COMMD10: variants seen among roughly 807,000 people sequenced by gnomAD.
The protein encoded by COMMD10 is COMM domain-containing protein 10.
COMMD10 carries 33 observed loss-of-function variants against 28.9 expected under a neutral mutation model. The ratio of observed to expected loss-of-function variants is 1.14; its 90% confidence interval spans 0.87 to 1.53. The LOEUF is 1.53. Among genes scored for constraint, COMMD10 ranks in the 40% most tolerant of loss-of-function variants. The probability of loss-of-function intolerance (pLI) is 0.00; values close to 1 mark genes in which losing one functional copy is unlikely to be tolerated. For missense variants in COMMD10, 310 were observed against 233.4 expected, an observed-to-expected ratio of 1.33 and a Z score of -2.14; for synonymous variants, 110 against 81.7, an observed-to-expected ratio of 1.35 and a Z score of -1.87.
At position 116,138,788 on chromosome 5, in the gene COMMD10, G is replaced by A. The variant is rs182308628; in HGVS notation, c.510+4610G>A. ...CTTCTAATACTAGTTTTCTGACTTA[G>A]AGCTCTTCATTCTTATTTCCAAAAT... On this transcript the variant is annotated intron_variant, in intron 5 of 6. Transcript: ENST00000274458. Among the ~76,000 whole-genome samples, 265 of 151,712 alleles carry A rather than the reference G, an allele frequency of 1.7e-3. 1 individual carries two copies. The highest frequency in any genetic ancestry group is 6.0e-3 in the African/African-American group (250 of 41,482).
At chr5:116,140,226 C>T (rs1419054419) in intron 5 of COMMD10, among the ~76,000 whole-genome samples, 1 of 55,282 alleles carries the variant, frequency 1.8e-5, no homozygotes, top group African/African-American at 1.2e-4. Flanking sequence ...CTGACTCATA[C>T]TACTATGTGT....
chr5:116,137,404 ATATAAAG>A (rs1752053897), intron 5 of COMMD10, among the ~76,000 whole-genome samples: 1 of 152,054 alleles, frequency 6.6e-6, no homozygotes, highest in Non-Finnish European at 1.5e-5. Context: ...TTAGTTTATG[ATATAAAG>A]TATCTTAAAG....
chr5:116,233,621 C>T (rs1592916), intron 5 of COMMD10, among the ~76,000 whole-genome samples: 92,863 of 152,062 alleles, frequency 0.61, 31,610 homozygotes, highest in South Asian at 0.77. Context: ...TAAGGTGACA[C>T]TTGAGTAAAG....
chr5:116,101,587 C>T (rs573535820), intron 4 of COMMD10, among the ~76,000 whole-genome samples: 4 of 151,966 alleles, frequency 2.6e-5, no homozygotes, highest in East Asian at 1.9e-4. Flanking sequence ...CCACCACGCC[C>T]GGCTAATTTT....
At chr5:116,124,380 T>C (rs901056402) in intron 4 of COMMD10, among the ~76,000 whole-genome samples, 5 of 152,232 alleles carry the variant, frequency 3.3e-5, no homozygotes, top group African/African-American at 1.2e-4. Flanking sequence ...TATGCAGTTT[T>C]AAGTGAGTTT....
intron 4 of COMMD10, among the ~76,000 whole-genome samples, chr5:116,112,166 A>G (rs1181724214): frequency 6.6e-6 from 1 of 152,110 alleles, no homozygotes. Flanking sequence ...TTTCTACTTC[A>G]TTTATGGAGC....
chr5:116,145,903 A>T (rs1752335672), intron 5 of COMMD10, among the ~76,000 whole-genome samples: 1 of 151,944 alleles, frequency 6.6e-6, no homozygotes, highest in Admixed American at 6.6e-5. Context: ...GCCATGCTGA[A>T]CTAAACTGTG....
At chr5:116,276,202 T>A (rs1182014675) in intron 5 of COMMD10, among the ~76,000 whole-genome samples, 1 of 151,538 alleles carries the variant, frequency 6.6e-6, no homozygotes, top group African/African-American at 2.4e-5. Flanking sequence ...AAAAATTAAT[T>A]TCAAATAAAA....
Position 116,215,695 on chromosome 5 carries a change from AATATATATATATATATATAT to A in COMMD10, c.511-75805_511-75786del, listed in dbSNP as rs58135204. Among the ~76,000 whole-genome samples the A allele has an allele frequency of 1.0e-3, 135 of 133,822 alleles. 1 individual carries two copies. The South Asian group carries it at 0.033, about 32-fold the overall frequency. The allele number at this position is 133,822 out of a possible 152,430, so 87.8% of individuals were successfully genotyped here. On this transcript the variant is annotated intron_variant, in intron 5 of 6. Coordinates refer to ENST00000274458, the MANE Select transcript of COMMD10 (RefSeq NM_016144.4). ...GAGTGGGAGTCCAGCTAAAAAAAGA[AATATATATATATATATATAT>A]ATATATATATATATATGTATATATA...
intron 5 of COMMD10, among the ~76,000 whole-genome samples, chr5:116,217,055 C>G (rs546153709): frequency 1.2e-4 from 18 of 151,490 alleles, no homozygotes; most frequent in African/African-American, 4.1e-4. Flanking sequence ...ATTAAAAAAC[C>G]AGAGCTTTAC....
At chr5:116,153,793 A>C (rs1253780119) in intron 5 of COMMD10, among the ~76,000 whole-genome samples, 1 of 152,052 alleles carries the variant, frequency 6.6e-6, no homozygotes, top group Non-Finnish European at 1.5e-5. Context: ...TTTTGTTTTG[A>C]TAGCCATGAA....
At chr5:116,085,272 A>C (rs1750054074) in intron 1 of COMMD10, 179 bp downstream of exon 1, 1 of 605,880 alleles carries the variant, frequency 1.7e-6, no homozygotes, top group Non-Finnish European at 2.9e-6. Context: ...GGGGCCGTGT[A>C]GCGCCTCTAC....
At chr5:116,111,702 A>G (rs1020663413) in intron 4 of COMMD10, among the ~76,000 whole-genome samples, 7 of 152,168 alleles carry the variant, frequency 4.6e-5, no homozygotes, top group African/African-American at 9.7e-5. Context: ...CATATGGTCT[A>G]TATTGGAGAA....
chr5:116,148,525 G>C (rs1752413439), intron 5 of COMMD10, among the ~76,000 whole-genome samples: 1 of 151,810 alleles, frequency 6.6e-6, no homozygotes, highest in African/African-American at 2.4e-5. Context: ...CACCTTTGTT[G>C]TTGTCAACAG....
intron 5 of COMMD10, among the ~76,000 whole-genome samples, chr5:116,224,248 G>C (rs1243285977): frequency 6.6e-6 from 1 of 152,104 alleles, no homozygotes; most frequent in African/African-American, 2.4e-5. Context: ...ACTTCAGTTG[G>C]GAATTCGTTT....
chr5:116,169,612 C>T (rs895356968), intron 5 of COMMD10, among the ~76,000 whole-genome samples: 10 of 152,122 alleles, frequency 6.6e-5, no homozygotes, highest in Non-Finnish European at 1.3e-4. Context: ...AAACTGAATC[C>T]AGCAGCATAT....
At chr5:116,142,360 A>T (rs1328408412) in intron 5 of COMMD10, among the ~76,000 whole-genome samples, 1 of 151,814 alleles carries the variant, frequency 6.6e-6, no homozygotes, top group African/African-American at 2.4e-5. Context: ...TGTAATAAAC[A>T]TCTTTGTGAA....
intron 5 of COMMD10, among the ~76,000 whole-genome samples, chr5:116,181,938 C>T (rs1333458141): frequency 6.6e-6 from 1 of 152,062 alleles, no homozygotes; most frequent in Non-Finnish European, 1.5e-5. Flanking sequence ...ATAGACATAG[C>T]TCCTGCCCCC....
intron 5 of COMMD10, among the ~76,000 whole-genome samples, chr5:116,137,238 C>T (rs1033824757): frequency 1.4e-4 from 22 of 151,954 alleles, no homozygotes; most frequent in Admixed American, 1.2e-3. Flanking sequence ...CCACAAACTA[C>T]TTTTCTTTCA....
Sources: allele counts gnomAD v4.1 joint callset (sites outside exome capture counted in the v4.1 genomes callset), GRCh38; gene constraint gnomAD v4.1.1; transcripts MANE v1.5; gene names NCBI Gene and HGNC (gene_info 2026-07-23, HGNC 2026-07-21).